The following STT3B variants were observed in gnomAD, a reference collection of about 807,000 sequenced individuals.
STT3B encodes the protein dolichyl-diphosphooligosaccharide--protein glycosyltransferase subunit STT3B.
Under a neutral mutation model 96.8 loss-of-function variants are expected in STT3B, and 29 were observed. The observed-to-expected ratio is 0.30, with a 90% CI of 0.22 to 0.41. The LOEUF (loss-of-function observed/expected upper bound fraction) is 0.41, where lower values mean the gene tolerates loss of function less well. Among genes scored for constraint, STT3B ranks in the 10% least tolerant of loss-of-function variants. The probability of loss-of-function intolerance (pLI) is 1.00; values close to 1 mark genes in which losing one functional copy is unlikely to be tolerated. For missense variants in STT3B, 640 were observed against 1,022.3 expected (o/e 0.63, Z 5.10); for synonymous variants, 367 against 360.0 (o/e 1.02, Z -0.22).
intron 1 of STT3B, among the ~76,000 whole-genome samples, chr3:31,561,354 C>G (rs1203297683): frequency 6.6e-6 from 1 of 151,794 alleles, no homozygotes; most frequent in Non-Finnish European, 1.5e-5. Flanking sequence ...TATAGACTTA[C>G]AATGTGAAAT....
At chr3:31,536,909 T>G (rs1697114239) in intron 1 of STT3B, among the ~76,000 whole-genome samples, 1 of 152,248 alleles carries the variant, frequency 6.6e-6, no homozygotes, top group South Asian at 2.1e-4. Context: ...ATACTTTTAC[T>G]TTATATTAGC....
intron 1 of STT3B, among the ~76,000 whole-genome samples, chr3:31,562,752 G>A (rs1347101482): frequency 2.0e-5 from 3 of 152,174 alleles, no homozygotes; most frequent in Non-Finnish European, 2.9e-5. Flanking sequence ...ATTCACAGTC[G>A]CCCTCTGCTG....
At position 31,615,113 on chromosome 3, in the gene STT3B, A is replaced by G. The variant is rs767248740; in HGVS notation, c.886A>G (p.Thr296Ala). Residue 296 changes from threonine (T) to alanine (A), a missense_variant, in exon 6 of 16, where the codon ACT becomes GCT. This residue lies in a region of STT3B where 267 missense variants were observed against 388.3 expected (regional missense o/e 0.69). Coordinates refer to ENST00000295770, the MANE Select transcript of STT3B (RefSeq NM_178862.3). ...YSKRVYIAYS[T>A]FYIVGLILSM... is the part of the protein sequence containing the mutation. ...CTATTTTGTCTTTATAGCATATAGCACTTTCTACATTGTGGGTTTAATATT... is the reference window on the plus strand; with the variant it reads ...CTATTTTGTCTTTATAGCATATAGCGCTTTCTACATTGTGGGTTTAATATT... 3.1e-6 allele frequency: 5 copies of G among 1,605,344 alleles called. No homozygotes were observed. In the Admixed American group the frequency reaches 8.4e-5, roughly 27 times the overall value.
intron 1 of STT3B, among the ~76,000 whole-genome samples, chr3:31,550,429 C>G (rs1697523652): frequency 6.6e-6 from 1 of 152,152 alleles, no homozygotes; most frequent in African/African-American, 2.4e-5. Flanking sequence ...AAAATGACCA[C>G]CCATCAGTTG....
At chr3:31,633,228 A>C (rs1401077803) in intron 15 of STT3B, 81 bp downstream of exon 15, 2 of 1,235,250 alleles carry the variant, frequency 1.6e-6, no homozygotes, top group African/African-American at 3.1e-5. Flanking sequence ...AATTGCAATA[A>C]ATTTCCATCT....
intron 13 of STT3B, among the ~76,000 whole-genome samples, chr3:31,628,976 T>G (rs1056954826): frequency 6.6e-6 from 1 of 152,108 alleles, no homozygotes; most frequent in Non-Finnish European, 1.5e-5. Context: ...CGTGGTGCCG[T>G]GGGCCTGTAG....
intron 2 of STT3B, among the ~76,000 whole-genome samples, chr3:31,578,374 GGAGAATACCCTATCTT>G (rs994647515): frequency 6.6e-6 from 1 of 151,998 alleles, no homozygotes; most frequent in Admixed American, 6.6e-5. Flanking sequence ...TTTGGCATCT[GGAGAATACCCTATCTT>G]GAGCTTGATT....
At chr3:31,619,950 C>T (rs1314316006) in intron 9 of STT3B, 120 bp downstream of exon 9, 1 of 1,509,582 alleles carries the variant, frequency 6.6e-7, no homozygotes, top group South Asian at 1.3e-5. Flanking sequence ...AAATTTTCTC[C>T]TTTATTTTGC....
chr3:31,621,427 C>T (rs757115779), intron 9 of STT3B, among the ~76,000 whole-genome samples: 2 of 151,868 alleles, frequency 1.3e-5, no homozygotes, highest in African/African-American at 4.8e-5. Context: ...GAATATGATG[C>T]GATGTATTTT....
At chr3:31,580,965 G>A (rs1698371272) in intron 3 of STT3B, among the ~76,000 whole-genome samples, 1 of 149,592 alleles carries the variant, frequency 6.7e-6, no homozygotes, top group South Asian at 2.1e-4. Flanking sequence ...CCTTAAAATC[G>A]AGAACCTCTG....
rs530351380 is a variant in STT3B, at chr3:31,620,072, C to T, written c.1327+242C>T. 5.5e-5 allele frequency: 46 copies of T among 830,540 alleles called. No individual in the cohort carries two copies. In the East Asian group the frequency reaches 1.4e-3, roughly 26 times the overall value. 51.4% of individuals were successfully genotyped at this position (830,540 alleles called of 1,614,324 possible). On this transcript the variant is annotated intron_variant, in intron 9 of 15. Coordinates refer to ENST00000295770, the MANE Select transcript of STT3B (RefSeq NM_178862.3). ...GGCGGATCACCTGAGGTCAGGAGTT[C>T]GAGACCAGCCTGGCCAACATGGTGA...
chr3:31,598,686 A>C, intron 4 of STT3B, among the ~76,000 whole-genome samples: 1 of 151,402 alleles, frequency 6.6e-6, no homozygotes, highest in East Asian at 1.9e-4. Context: ...TTTGTTCTTA[A>C]GTGAAGAGAG....
chr3:31,569,907 T>C lies in STT3B; in HGVS notation c.315-6489T>C, dbSNP rs528510870. ...CATTATGTATGTAAATCATATAAAT[T>C]TTATAAGTACATATTTATAAATATA... On this transcript the variant is annotated intron_variant, in intron 1 of 15. Coordinates refer to ENST00000295770, the MANE Select transcript of STT3B (RefSeq NM_178862.3). 5.9e-5 allele frequency among the ~76,000 whole-genome samples: 9 copies of C among 152,080 alleles called. No homozygotes were observed. In the South Asian group the frequency reaches 1.5e-3, roughly 25 times the overall value.
chr3:31,535,555 C>G (rs1277615141), intron 1 of STT3B, among the ~76,000 whole-genome samples: 1 of 151,992 alleles, frequency 6.6e-6, no homozygotes, highest in Non-Finnish European at 1.5e-5. Flanking sequence ...GAAACCCCCT[C>G]TCTACTAAAA....
chr3:31,544,190 A>G (rs1014226245), intron 1 of STT3B, among the ~76,000 whole-genome samples: 17 of 152,198 alleles, frequency 1.1e-4, no homozygotes, highest in African/African-American at 3.6e-4. Context: ...CTTTATGATT[A>G]TAGTTAATTA....
chr3:31,605,519 G>C (rs1699031296), intron 5 of STT3B, among the ~76,000 whole-genome samples: 1 of 151,992 alleles, frequency 6.6e-6, no homozygotes, highest in South Asian at 2.1e-4. Context: ...AGTCTCACAA[G>C]ATCTGATGGT....
chr3:31,580,354 T>G (rs2125453914), intron 3 of STT3B, among the ~76,000 whole-genome samples: 1 of 152,292 alleles, frequency 6.6e-6, no homozygotes, highest in Middle Eastern at 3.4e-3. Context: ...GATATTTTTG[T>G]TTCTTTGTTT....
intron 3 of STT3B, among the ~76,000 whole-genome samples, chr3:31,591,567 T>C (rs1698663528): frequency 1.3e-5 from 2 of 152,164 alleles, no homozygotes; most frequent in South Asian, 2.1e-4. Context: ...GAACGAATTA[T>C]GCATCTTAAT....
chr3:31,600,402 C>G lies in STT3B; in HGVS notation c.820C>G (p.Pro274Ala). 1 of 1,597,004 alleles carries G rather than the reference C, an allele frequency of 6.3e-7. No homozygotes were observed. Among genetic ancestry groups the G allele is most frequent in the Non-Finnish European group, 8.6e-7 (1 of 1,167,652 alleles). ...TTATGTATTTATCATCAATCTTATTCCACTGCATGTATTTGTGTTGTTACT... is the reference window on the plus strand; with the variant it reads ...TTATGTATTTATCATCAATCTTATTGCACTGCATGTATTTGTGTTGTTACT... ...GGYVFIINLI[P>A]LHVFVLLLMQ... The change falls in exon 5 of 16, where the codon CCA (proline) becomes GCA (alanine). Residue 274 changes from proline to alanine, a missense_variant. Physicochemically the swap from Pro to Ala is conservative, Grantham distance 27. Around this residue, in one of 8 missense-constraint regions of STT3B, gnomAD observed 267 missense variants for 388.3 expected, o/e 0.69. Transcript: ENST00000295770.
Sources: allele counts gnomAD v4.1 joint callset (sites outside exome capture counted in the v4.1 genomes callset), GRCh38; gene constraint gnomAD v4.1.1; regional missense constraint gnomAD v4.1.1; transcripts MANE v1.5; gene names NCBI Gene and HGNC (gene_info 2026-07-23, HGNC 2026-07-21).